FGF13: variants seen among roughly 807,000 people sequenced by gnomAD.
The protein encoded by FGF13 is fibroblast growth factor 13.
In FGF13, 2 loss-of-function variants were observed where a neutral mutation model predicts 19.5. The ratio of observed to expected loss-of-function variants is 0.10; its 90% CI spans 0.04 to 0.32. The LOEUF (loss-of-function observed/expected upper bound fraction) is 0.32. Among genes scored for constraint, FGF13 ranks in the 10% least tolerant of loss-of-function variants. The pLI is 1.00. For synonymous variants in FGF13, 72 were observed against 76.9 expected (o/e 0.94, Z 0.33); for missense variants, 113 against 192.7 (o/e 0.59, Z 2.45).
intron 1 of FGF13, among the ~76,000 whole-genome samples, chrX:138,909,616 G>A (rs1341520478): frequency 8.9e-6 from 1 of 111,861 alleles, no homozygotes; most frequent in Non-Finnish European, 1.9e-5. Context: ...CCAATAGCAG[G>A]GCTAATGCAT....
At chrX:138,935,145 C>T (rs1412221483) in intron 1 of FGF13, among the ~76,000 whole-genome samples, 1 of 110,665 alleles carries the variant, frequency 9.0e-6, no homozygotes, top group Non-Finnish European at 1.9e-5. Context: ...TTGCAGGAAA[C>T]TTTGTTGGGC....
At chrX:138,991,181 A>G (rs753684984) in intron 1 of FGF13, among the ~76,000 whole-genome samples, 6 of 112,127 alleles carry the variant, frequency 5.4e-5, no homozygotes, top group Non-Finnish European at 9.4e-5. Context: ...GTGCTAATGG[A>G]TGCCTGCTAC....
At chrX:138,940,329 A>C (rs183652528) in intron 1 of FGF13, among the ~76,000 whole-genome samples, 131 of 112,149 alleles carry the variant, frequency 1.2e-3, no homozygotes, top group African/African-American at 3.8e-3. Flanking sequence ...TCTGGATATT[A>C]AACCTTTGTC....
At chrX:139,011,740 G>A (rs1159435754) in intron 1 of FGF13, among the ~76,000 whole-genome samples, 3 of 111,262 alleles carry the variant, frequency 2.7e-5, no homozygotes, top group African/African-American at 9.8e-5. Flanking sequence ...TATACCGAAC[G>A]GGCAAAAGTT....
upstream of FGF13, chrX:138,739,371 T>C (rs1358874328): frequency 1.1e-6 from 1 of 880,621 alleles, no homozygotes; most frequent in African/African-American, 2.0e-5. Flanking sequence ...ATCTAAAGTA[T>C]TCTCCAAGGT....
chrX:139,034,436 GAAGAA>G (rs2092243938), intron 1 of FGF13, among the ~76,000 whole-genome samples: 1 of 111,477 alleles, frequency 9.0e-6, no homozygotes, highest in Non-Finnish European at 1.9e-5. Context: ...TGAAGACCCA[GAAGAA>G]AGACCATGTT....
intron 1 of FGF13, among the ~76,000 whole-genome samples, chrX:138,902,250 G>A (rs1022930168): frequency 8.9e-6 from 1 of 112,322 alleles, no homozygotes; most frequent in Non-Finnish European, 1.9e-5. Context: ...GACTGCTAGA[G>A]CAAAGCACTC....
intron 3 of FGF13, among the ~76,000 whole-genome samples, chrX:138,693,281 T>C (rs1361415231): frequency 1.8e-5 from 2 of 111,966 alleles, no homozygotes; most frequent in Non-Finnish European, 1.9e-5. Context: ...AAGTAAAATC[T>C]AAGATGAATA....
At chrX:138,737,298 G>C (rs2090285098) in intron 1 of FGF13, among the ~76,000 whole-genome samples, 1 of 111,939 alleles carries the variant, frequency 8.9e-6, no homozygotes, top group Non-Finnish European at 1.9e-5. Context: ...GATAAACCAT[G>C]TGACCTTTCT....
At chrX:138,829,795 C>T (rs2091058900) in intron 3 of FGF13, among the ~76,000 whole-genome samples, 1 of 111,701 alleles carries the variant, frequency 9.0e-6, no homozygotes, top group Non-Finnish European at 1.9e-5. Flanking sequence ...CAGCTCACTG[C>T]AACCTCTGCC....
intron 3 of FGF13, among the ~76,000 whole-genome samples, chrX:138,661,151 C>A (rs1306874619): frequency 9.0e-6 from 1 of 111,410 alleles, no homozygotes; most frequent in Non-Finnish European, 1.9e-5. Context: ...TAGTATATGT[C>A]CATGGAATTT....
At chrX:139,042,127 TA>T (rs939815837) in intron 1 of FGF13, among the ~76,000 whole-genome samples, 5 of 112,296 alleles carry the variant, frequency 4.5e-5, no homozygotes, top group African/African-American at 9.7e-5. Context: ...AGAGCTTAAA[TA>T]AAAGTTACAC....
At chrX:139,043,741 A>G (rs1309853653) in intron 1 of FGF13, among the ~76,000 whole-genome samples, 1 of 112,297 alleles carries the variant, frequency 8.9e-6, no homozygotes, top group Non-Finnish European at 1.9e-5. Flanking sequence ...ATAAATGAAT[A>G]AACAAAATGT....
chrX:138,678,594 C>A (rs1440839692), intron 3 of FGF13, among the ~76,000 whole-genome samples: 2 of 111,521 alleles, frequency 1.8e-5, no homozygotes, highest in Non-Finnish European at 3.8e-5. Flanking sequence ...TGCACATTTA[C>A]AACTGAACCG....
chrX:139,040,920 T>C (rs1258245642), intron 1 of FGF13, among the ~76,000 whole-genome samples: 1 of 110,127 alleles, frequency 9.1e-6, no homozygotes. Context: ...ATGGATGAAG[T>C]TGCAAGCCAT....
chrX:138,875,627 G>A (rs957869876), intron 1 of FGF13, among the ~76,000 whole-genome samples: 1 of 111,642 alleles, frequency 9.0e-6, no homozygotes, highest in Admixed American at 9.5e-5. Flanking sequence ...GAGTAAAGCA[G>A]ATTACTCTCC....
chrX:139,175,186 G>T (rs2084170030), intron 1 of FGF13, among the ~76,000 whole-genome samples: 2 of 111,443 alleles, frequency 1.8e-5, no homozygotes, highest in South Asian at 3.8e-4. Context: ...CTCATGACTT[G>T]GCTCTCTGTT....
At chrX:138,751,470 C>T (rs939834604) in intron 3 of FGF13, among the ~76,000 whole-genome samples, 12 of 111,628 alleles carry the variant, frequency 1.1e-4, no homozygotes, top group African/African-American at 3.9e-4. Context: ...GGAGTTACTA[C>T]ATAAGATGTC....
At chrX:139,072,132 G>GT (rs1261700846) in intron 1 of FGF13, among the ~76,000 whole-genome samples, 2 of 108,462 alleles carry the variant, frequency 1.8e-5, no homozygotes, top group African/African-American at 6.8e-5. Context: ...AACTTGTAAT[G>GT]TAACTATTTT....
Sources: allele counts gnomAD v4.1 joint callset (sites outside exome capture counted in the v4.1 genomes callset), GRCh38; gene constraint gnomAD v4.1.1; transcripts MANE v1.5; gene names NCBI Gene and HGNC (gene_info 2026-07-23, HGNC 2026-07-21).